The following RAD50 variants were observed in gnomAD, a reference collection of about 807,000 sequenced individuals.
The protein encoded by RAD50 is DNA repair protein RAD50.
RAD50 carries 132 observed loss-of-function variants against 168.8 expected under a neutral mutation model. The ratio of observed to expected loss-of-function variants is 0.78; its 90% CI spans 0.68 to 0.90. The LOEUF (loss-of-function observed/expected upper bound fraction) is 0.90, where lower values mean the gene tolerates loss of function less well. RAD50 is among the 40% of genes least tolerant of loss of function. The probability of loss-of-function intolerance (pLI) is 0.00; values close to 1 mark genes in which losing one functional copy is unlikely to be tolerated. For synonymous variants in RAD50, 525 were observed against 497.4 expected, an observed-to-expected ratio of 1.06 and a Z score of -0.74; for missense variants, 1,347 against 1,534.4, an observed-to-expected ratio of 0.88 and a Z score of 2.04.
chr5:132,599,456 G>T (rs1055279117), intron 13 of RAD50, among the ~76,000 whole-genome samples: 1 of 152,218 alleles, frequency 6.6e-6, no homozygotes, highest in Admixed American at 6.5e-5. Context: ...GGACAAATGA[G>T]AGAGGAAGTC....
chr5:132,603,325 A>G lies in RAD50; in HGVS notation c.2233A>G (p.Lys745Glu), dbSNP rs1060501958. The G allele has an allele frequency of 2.5e-6, 4 of 1,613,230 alleles. No individual in the cohort carries two copies. Among genetic ancestry groups the G allele is most frequent in the Non-Finnish European group, 3.4e-6 (4 of 1,179,436 alleles). The change falls in exon 14 of 25, where the codon AAG (lysine) becomes GAG (glutamate). Residue 745 changes from lysine to glutamate, a missense_variant. Physicochemically the swap from Lys to Glu is moderately conservative, Grantham distance 56. Coordinates refer to ENST00000378823, the MANE Select transcript of RAD50 (RefSeq NM_005732.4). The stretch of plus-strand genomic sequence containing the variant: ...GCAAAGCATAATTGATTTGAAGGAG[A>G]AGGAAATACCAGAATTAAGAAACAA... ...MRQSIIDLKE[K>E]EIPELRNKLQ...
At chr5:132,633,106 T>TC (rs1485826994) in intron 21 of RAD50, among the ~76,000 whole-genome samples, 1 of 145,782 alleles carries the variant, frequency 6.9e-6, no homozygotes, top group African/African-American at 2.5e-5. Flanking sequence ...TTCTTTTTTT[T>TC]TTTTTTTTTT....
chr5:132,641,685 C>G (rs1398538432), intron 24 of RAD50: 1 of 159,716 alleles, frequency 6.3e-6, no homozygotes, highest in Non-Finnish European at 1.4e-5. Context: ...CATCTAGTGA[C>G]TGGTGGTGGC....
At chr5:132,566,134 A>G (rs1442591995) in intron 2 of RAD50, among the ~76,000 whole-genome samples, 11 of 152,318 alleles carry the variant, frequency 7.2e-5, no homozygotes, top group East Asian at 1.9e-4. Context: ...TAATAATTCA[A>G]TCTAAATTAC....
chr5:132,558,908 T>TA (rs1483267664), intron 1 of RAD50, among the ~76,000 whole-genome samples: 3 of 152,084 alleles, frequency 2.0e-5, no homozygotes, highest in Admixed American at 6.6e-5. Context: ...CCCTGTCTCT[T>TA]AAACAAAAAG....
rs762302203 is a variant in RAD50, at chr5:132,637,188, T to C, written c.3463T>C (p.Tyr1155His). The C allele has an allele frequency of 3.1e-6, 5 of 1,611,754 alleles. No individual in the cohort carries two copies. The South Asian group carries it at 4.4e-5, about 14-fold the overall frequency. Reference sequence around the variant, plus strand: ...TATACGTGACCTGTGGCGAAGTACCTATCGTGGACAAGGTGAGTACCATGG... The same window carrying C: ...TATACGTGACCTGTGGCGAAGTACCCATCGTGGACAAGGTGAGTACCATGG... Reference protein sequence around the residue: ...KIIRDLWRSTYRGQDIEYIEI... With the variant: ...KIIRDLWRSTHRGQDIEYIEI... The change falls in exon 22 of 25, where the codon TAT becomes CAT. Residue 1155 changes from tyrosine (Y) to histidine (H), a missense_variant. This residue lies in a region of RAD50 where 635 missense variants were observed against 739.2 expected (regional missense o/e 0.86). Transcript: ENST00000378823.
chr5:132,613,991 C>G (rs750690528), intron 19 of RAD50, among the ~76,000 whole-genome samples: 5 of 152,056 alleles, frequency 3.3e-5, no homozygotes, highest in Non-Finnish European at 7.4e-5. Context: ...CCAAAGTTAT[C>G]CAGTTTAAAA....
intron 5 of RAD50, among the ~76,000 whole-genome samples, chr5:132,581,248 A>C (rs2299012): frequency 0.31 from 47,377 of 151,410 alleles, 9,225 homozygotes; most frequent in African/African-American, 0.56. Flanking sequence ...TACAGGCATG[A>C]GCCACCACGC....
At chr5:132,610,321 T>A (rs1334480015) in intron 19 of RAD50, among the ~76,000 whole-genome samples, 1 of 152,072 alleles carries the variant, frequency 6.6e-6, no homozygotes, top group Non-Finnish European at 1.5e-5. Flanking sequence ...CGGATTAAGG[T>A]TTAATAATCT....
At chr5:132,590,330 C>T (rs1219196640) in intron 9 of RAD50, among the ~76,000 whole-genome samples, 2 of 152,142 alleles carry the variant, frequency 1.3e-5, no homozygotes, top group East Asian at 1.9e-4. Flanking sequence ...ATTAGCTGGG[C>T]GTGGTGGCGT....
At position 132,559,293 on chromosome 5, in the gene RAD50, G is replaced by T. The variant is rs1750077980; in HGVS notation, c.139G>T (p.Glu47Ter). 1.2e-6 allele frequency: 2 copies of T among 1,603,202 alleles called. No individual in the cohort carries two copies. Among genetic ancestry groups the T allele is most frequent in the Non-Finnish European group, 1.7e-6 (2 of 1,175,004 alleles). Reference protein sequence around the residue: ...PNGAGKTTIIECLKYICTGDF... With the variant: ...PNGAGKTTII ...TTTTCTATTTCTTTAGACCATCATT[G>T]AATGTCTAAAATATATTTGTACTGG... The change falls in exon 2 of 25, where the codon GAA (glutamate) becomes TAA (stop). Residue 47 changes from glutamate to a stop codon, truncating the protein, a stop_gained. Coordinates refer to ENST00000378823, the MANE Select transcript of RAD50 (RefSeq NM_005732.4). LOFTEE classifies it high-confidence loss of function.
chr5:132,610,589 C>T (rs1362467953), intron 19 of RAD50, among the ~76,000 whole-genome samples: 4 of 152,010 alleles, frequency 2.6e-5, no homozygotes, highest in Non-Finnish European at 4.4e-5. Context: ...TGCTTAAAAT[C>T]ATTTGGAAGA....
intron 21 of RAD50, among the ~76,000 whole-genome samples, chr5:132,620,358 A>G (rs1329346588): frequency 1.3e-5 from 2 of 152,096 alleles, no homozygotes; most frequent in Non-Finnish European, 2.9e-5. Context: ...CTACAGTGTC[A>G]TTTCTGTCAT....
At position 132,588,014 on chromosome 5, in the gene RAD50, C is replaced by A; in HGVS notation, c.976C>A (p.His326Asn). 6.2e-7 allele frequency: 1 copy of A among 1,611,672 alleles called. No individual in the cohort carries two copies. The highest frequency in any genetic ancestry group is 8.5e-7 in the Non-Finnish European group (1 of 1,177,990). ...GAAAGAAAGGAAATTGGTAGACTGT[C>A]ATCGTGAACTGGAAAAACTAAATAA... is the stretch of plus-strand genomic sequence containing the variant. Reference protein sequence around the residue: ...REKERKLVDCHRELEKLNKES... With the variant: ...REKERKLVDCNRELEKLNKES... Residue 326 changes from histidine (H) to asparagine (N), a missense_variant, in exon 7 of 25, where the codon CAT becomes AAT. Physicochemically the swap from His to Asn is moderately conservative, Grantham distance 68. Transcript: ENST00000378823.
intron 21 of RAD50, among the ~76,000 whole-genome samples, chr5:132,629,589 C>A (rs538715510): frequency 6.6e-6 from 1 of 152,168 alleles, no homozygotes; most frequent in African/African-American, 2.4e-5. Flanking sequence ...AAAATTGAGT[C>A]TTTGTGGCTT....
rs1369969240 is a variant in RAD50 at position 132,591,418 on chromosome 5, C to A, written c.1635+12C>A. 15 of 1,608,352 alleles carry A rather than the reference C, an allele frequency of 9.3e-6. No individual in the cohort carries two copies. The highest frequency in any genetic ancestry group is 1.3e-5 in the Non-Finnish European group (15 of 1,175,536). On this transcript the variant is annotated intron_variant, in intron 10 of 24. Coordinates refer to ENST00000378823, the MANE Select transcript of RAD50 (RefSeq NM_005732.4). ...TGACCAAAGACAAAGTATGATTTTT[C>A]TTTTTGTTCTAATTATACTGTCTGG...
intron 2 of RAD50, among the ~76,000 whole-genome samples, chr5:132,572,457 G>C (rs1481310038): frequency 6.6e-6 from 1 of 152,058 alleles, no homozygotes; most frequent in Non-Finnish European, 1.5e-5. Flanking sequence ...GAATAACAGT[G>C]TTTTTATATA....
At chr5:132,629,801 A>G (rs960830866) in intron 21 of RAD50, among the ~76,000 whole-genome samples, 5 of 152,230 alleles carry the variant, frequency 3.3e-5, no homozygotes, top group African/African-American at 1.2e-4. Context: ...AAAGCTGATT[A>G]CCATCTGTTA....
intron 14 of RAD50, 86 bp downstream of exon 14, chr5:132,603,575 T>G: frequency 7.3e-7 from 1 of 1,377,014 alleles, no homozygotes; most frequent in Non-Finnish European, 1.0e-6. Flanking sequence ...TAGTAGCTAG[T>G]ATTCAGGTAC....
Sources: gnomAD v4.1 joint callset for allele counts (sites outside exome capture counted in the v4.1 genomes callset) on GRCh38, gnomAD v4.1.1 for gene constraint, gnomAD v4.1.1 regional missense constraint, MANE v1.5 for transcripts, NCBI Gene and HGNC (gene_info 2026-07-23, HGNC 2026-07-21) for gene names.